The following NDUFAF2 variants were observed in gnomAD, a reference collection of about 807,000 sequenced individuals.
The protein encoded by NDUFAF2 is NADH dehydrogenase [ubiquinone] 1 alpha subcomplex assembly factor 2.
In NDUFAF2, 13 loss-of-function variants were observed where a neutral mutation model predicts 22.8. That is an observed-to-expected ratio of 0.57 (90% confidence interval 0.37 to 0.91). The LOEUF is 0.91. Ranked by LOEUF, NDUFAF2 falls within the 40% of genes least tolerant of loss-of-function variation. NDUFAF2 has a pLI of 0.01. For synonymous variants in NDUFAF2, 53 were observed against 64.2 expected, an observed-to-expected ratio of 0.83 and a Z score of 0.84; for missense variants, 162 against 195.2, an observed-to-expected ratio of 0.83 and a Z score of 1.01.
intron 1 of NDUFAF2, among the ~76,000 whole-genome samples, chr5:61,015,304 C>A (rs746313895): frequency 6.6e-6 from 1 of 152,032 alleles, no homozygotes; most frequent in African/African-American, 2.4e-5. Flanking sequence ...ATTTTTCAGA[C>A]AGGGTCTTGC....
At chr5:61,046,028 T>A (rs1457496879) in intron 1 of NDUFAF2, among the ~76,000 whole-genome samples, 2 of 152,206 alleles carry the variant, frequency 1.3e-5, no homozygotes, top group African/African-American at 2.4e-5. Context: ...CGTGAAAGCA[T>A]GTTGAATTGT....
intron 1 of NDUFAF2, among the ~76,000 whole-genome samples, chr5:61,051,321 T>C (rs1166383526): frequency 4.6e-5 from 7 of 152,164 alleles, no homozygotes; most frequent in African/African-American, 1.4e-4. Flanking sequence ...TTTTCTTTCT[T>C]GTACTTATCG....
intron 3 of NDUFAF2, among the ~76,000 whole-genome samples, chr5:61,101,944 G>A (rs943220638): frequency 6.6e-6 from 1 of 152,050 alleles, no homozygotes; most frequent in African/African-American, 2.4e-5. Flanking sequence ...TTTTGCATCT[G>A]CATCACCTGA....
chr5:61,010,125 A>G (rs530045676), intron 1 of NDUFAF2, among the ~76,000 whole-genome samples: 3 of 152,140 alleles, frequency 2.0e-5, no homozygotes, highest in East Asian at 1.9e-4. Context: ...CTCCTGAACT[A>G]TAACTACCTC....
intron 1 of NDUFAF2, among the ~76,000 whole-genome samples, chr5:60,984,875 C>T (rs1218459667): frequency 6.6e-6 from 1 of 152,014 alleles, no homozygotes; most frequent in Non-Finnish European, 1.5e-5. Flanking sequence ...TGTGTCTCTG[C>T]CAGGCTTTGT....
intron 1 of NDUFAF2, among the ~76,000 whole-genome samples, chr5:61,035,221 C>T (rs150574391): frequency 1.3e-3 from 199 of 151,874 alleles, no homozygotes; most frequent in African/African-American, 2.8e-3. Context: ...CATGCTCCAC[C>T]ATGCCCAGAT....
At chr5:60,959,000 A>G (rs571776638) in intron 1 of NDUFAF2, among the ~76,000 whole-genome samples, 2 of 152,208 alleles carry the variant, frequency 1.3e-5, no homozygotes, top group African/African-American at 2.4e-5. Flanking sequence ...GTTATCCACT[A>G]TTATATGTAA....
At chr5:61,027,515 T>A (rs1428194437) in intron 1 of NDUFAF2, among the ~76,000 whole-genome samples, 2 of 152,016 alleles carry the variant, frequency 1.3e-5, no homozygotes, top group Non-Finnish European at 2.9e-5. Context: ...AAAGCAAAAC[T>A]GTTTTGTGAG....
At chr5:60,977,659 A>C (rs1284334020) in intron 1 of NDUFAF2, among the ~76,000 whole-genome samples, 1 of 152,022 alleles carries the variant, frequency 6.6e-6, no homozygotes. Flanking sequence ...CAATATGGTG[A>C]AACCCCGTTT....
intron 1 of NDUFAF2, among the ~76,000 whole-genome samples, chr5:60,986,954 A>G: frequency 6.6e-6 from 1 of 151,576 alleles, no homozygotes; most frequent in Non-Finnish European, 1.5e-5. Context: ...AAAAAAAAAA[A>G]AGAAACATGG....
rs550200289 is a variant in NDUFAF2 at position 61,043,655 on chromosome 5, G to T, written c.128-29470G>T. Among the ~76,000 whole-genome samples, 6 of 151,902 alleles carry T rather than the reference G, an allele frequency of 3.9e-5. 1 individual carries two copies. Among genetic ancestry groups the T allele is most frequent in the African/African-American group, 1.4e-4 (6 of 41,406 alleles). On this transcript the variant is annotated intron_variant, in intron 1 of 3. Coordinates refer to ENST00000296597, the MANE Select transcript of NDUFAF2 (RefSeq NM_174889.5). ...CCAAGTTGTTGTAAATGACAGGATT[G>T]CCATCTTTTTGAAAGCTGTATATAT...
chr5:61,102,982 C>A (rs1294372297), intron 3 of NDUFAF2, among the ~76,000 whole-genome samples: 1 of 152,098 alleles, frequency 6.6e-6, no homozygotes, highest in Non-Finnish European at 1.5e-5. Flanking sequence ...GCACCCACAA[C>A]TTTTATACAG....
At chr5:61,010,370 C>T (rs900276994) in intron 1 of NDUFAF2, among the ~76,000 whole-genome samples, 4 of 152,106 alleles carry the variant, frequency 2.6e-5, no homozygotes, top group African/African-American at 2.4e-5. Context: ...GCTCTCTATC[C>T]TTCAGCCCGC....
At chr5:61,109,191 C>A (rs1752805063) in intron 3 of NDUFAF2, among the ~76,000 whole-genome samples, 1 of 152,058 alleles carries the variant, frequency 6.6e-6, no homozygotes, top group South Asian at 2.1e-4. Flanking sequence ...TAAGTTAAAT[C>A]CTAGGCATTT....
intron 1 of NDUFAF2, among the ~76,000 whole-genome samples, chr5:61,006,293 T>C (rs1751365583): frequency 6.6e-6 from 1 of 152,316 alleles, no homozygotes; most frequent in Admixed American, 6.5e-5. Context: ...TCTGTTCCAT[T>C]GGTCTATATG....
rs192493567 is a variant in NDUFAF2 at position 61,084,410 on chromosome 5, C to T, written c.217+11196C>T. ...GTTTGCAACTATCAGCAGCATTCATCGCCAGAACTTTTTTCATCTTCCCAA... is the reference window on the plus strand; with the variant it reads ...GTTTGCAACTATCAGCAGCATTCATTGCCAGAACTTTTTTCATCTTCCCAA... On this transcript the variant is annotated intron_variant, in intron 2 of 3. Coordinates refer to ENST00000296597, the MANE Select transcript of NDUFAF2 (RefSeq NM_174889.5). Among the ~76,000 whole-genome samples, 51 of 145,292 alleles carry T rather than the reference C, an allele frequency of 3.5e-4. 1 individual carries two copies. The East Asian group carries it at 5.4e-3, about 15-fold the overall frequency.
chr5:61,140,484 T>C (rs1460468794), intron 3 of NDUFAF2, among the ~76,000 whole-genome samples: 1 of 152,168 alleles, frequency 6.6e-6, no homozygotes, highest in South Asian at 2.1e-4. Flanking sequence ...GTTGCCAGAT[T>C]TAGCAAACAA....
At chr5:61,023,243 C>G (rs1751608481) in intron 1 of NDUFAF2, among the ~76,000 whole-genome samples, 1 of 151,832 alleles carries the variant, frequency 6.6e-6, no homozygotes, top group South Asian at 2.1e-4. Context: ...TTGAATTTCT[C>G]TTTGGTTCTT....
intron 1 of NDUFAF2, among the ~76,000 whole-genome samples, chr5:61,053,074 G>A (rs968091257): frequency 5.3e-5 from 8 of 152,134 alleles, no homozygotes; most frequent in Non-Finnish European, 1.2e-4. Context: ...TGTGTTCCTG[G>A]GTGCTCTTTT....
Sources: allele counts gnomAD v4.1 joint callset (sites outside exome capture counted in the v4.1 genomes callset), GRCh38; gene constraint gnomAD v4.1.1; transcripts MANE v1.5; gene names NCBI Gene and HGNC (gene_info 2026-07-23, HGNC 2026-07-21).